Variants in SEPHS1 observed in about 807,000 individuals in gnomAD.
The protein encoded by SEPHS1 is selenophosphate synthetase 1.
Under a neutral mutation model 39.2 loss-of-function variants are expected in SEPHS1, and 7 were observed. The observed-to-expected ratio is 0.18, with a 90% CI of 0.10 to 0.34. SEPHS1 has a LOEUF of 0.34. Ranked by LOEUF, SEPHS1 falls within the 10% of genes least tolerant of loss-of-function variation. SEPHS1 has a pLI of 1.00. For synonymous variants in SEPHS1, 190 were observed against 195.5 expected, an observed-to-expected ratio of 0.97 and a Z score of 0.23; for missense variants, 253 against 514.5, an observed-to-expected ratio of 0.49 and a Z score of 4.92.
chr10:13,324,968 C>T (rs2131692517), intron 7 of SEPHS1, among the ~76,000 whole-genome samples: 1 of 152,282 alleles, frequency 6.6e-6, no homozygotes, highest in Admixed American at 6.5e-5. Context: ...TATCTTCTTT[C>T]ATGGTGTCTG....
intron 7 of SEPHS1, among the ~76,000 whole-genome samples, chr10:13,325,197 T>C (rs976249958): frequency 2.0e-5 from 3 of 152,212 alleles, no homozygotes; most frequent in African/African-American, 7.2e-5. Flanking sequence ...TAATAGATAG[T>C]GCTTTTGGTG....
intron 7 of SEPHS1, among the ~76,000 whole-genome samples, chr10:13,327,639 A>C (rs1288826276): frequency 6.6e-6 from 1 of 152,230 alleles, no homozygotes; most frequent in African/African-American, 2.4e-5. Flanking sequence ...TGTGGTGAAC[A>C]CTTTGGAAGA....
rs1229425025 is a variant in SEPHS1, at chr10:13,345,031, G to A, written c.-78-3C>T. 4 of 1,242,880 alleles carry A rather than the reference G, an allele frequency of 3.2e-6. No individual in the cohort carries two copies. In the East Asian group the frequency reaches 1.1e-4, roughly 34 times the overall value. The allele number at this position is 1,242,880 out of a possible 1,614,324, so 77.0% of individuals were successfully genotyped here. ...GGCTGGGTTCTTTATGGATCCACCT[G>A]GGTGTCACCAAAACACAAAGATGCC... is the stretch of plus-strand genomic sequence containing the variant. On this transcript the variant is annotated splice_polypyrimidine_tract_variant and splice_region_variant and intron_variant, in intron 1 of 8. Transcript: ENST00000327347.
At chr10:13,326,830 G>C (rs1388095292) in intron 7 of SEPHS1, among the ~76,000 whole-genome samples, 2 of 152,058 alleles carry the variant, frequency 1.3e-5, no homozygotes, top group Admixed American at 6.5e-5. Context: ...ACTGTGCCTG[G>C]CTATAACTTT....
rs552633473 is a variant in SEPHS1, at chr10:13,328,230, G to C, written c.751+121C>G. The C allele has an allele frequency of 6.5e-5, 43 of 663,374 alleles. No homozygotes were observed. The Middle Eastern group carries it at 1.3e-3, about 20-fold the overall frequency. The allele number at this position is 663,374 out of a possible 1,614,324, so 41.1% of individuals were successfully genotyped here. A position where few individuals can be genotyped will look rare whatever the true frequency, so the allele number is the denominator to read the frequency against. On this transcript the variant is annotated intron_variant, in intron 7 of 8. Coordinates refer to ENST00000327347, the MANE Select transcript of SEPHS1 (RefSeq NM_012247.5). ...TGCCAACCTGGTACCAGGAGAAGAC[G>C]GTCTGTAGTCACTGGCCAAAAATCT...
intron 2 of SEPHS1, among the ~76,000 whole-genome samples, chr10:13,342,581 A>T (rs1833823539): frequency 1.3e-5 from 2 of 152,196 alleles, no homozygotes; most frequent in African/African-American, 2.4e-5. Flanking sequence ...GTGAGACTTC[A>T]TCTCAACAAC....
At chr10:13,328,136 A>G (rs1285388632) in intron 7 of SEPHS1, among the ~76,000 whole-genome samples, 1 of 152,180 alleles carries the variant, frequency 6.6e-6, no homozygotes, top group East Asian at 1.9e-4. Flanking sequence ...CTGGTATGTC[A>G]GAAGTTAGGA....
At chr10:13,330,940 C>T (rs1833447741) in intron 5 of SEPHS1, among the ~76,000 whole-genome samples, 1 of 151,998 alleles carries the variant, frequency 6.6e-6, no homozygotes, top group African/African-American at 2.4e-5. Flanking sequence ...TACCCATCAA[C>T]CCGTCCTTTA....
At chr10:13,323,382 T>C (rs1833170084) in intron 7 of SEPHS1, among the ~76,000 whole-genome samples, 1 of 151,252 alleles carries the variant, frequency 6.6e-6, no homozygotes, top group South Asian at 2.1e-4. Context: ...TGAGATGGAG[T>C]CTCGCTCTGT....
intron 4 of SEPHS1, among the ~76,000 whole-genome samples, chr10:13,334,378 TA>T (rs1833562849): frequency 6.6e-6 from 1 of 151,872 alleles, no homozygotes; most frequent in Admixed American, 6.6e-5. Flanking sequence ...CCGTCTCTAC[TA>T]AAAATACAAA....
chr10:13,332,054 G>C (rs1033528322), intron 5 of SEPHS1, among the ~76,000 whole-genome samples: 1 of 152,220 alleles, frequency 6.6e-6, no homozygotes. Flanking sequence ...CCAAGAGACC[G>C]GAACTTATGT....
intron 3 of SEPHS1, 57 bp from the exon 4 acceptor site, chr10:13,336,407 C>T: frequency 2.3e-6 from 3 of 1,287,436 alleles, no homozygotes; most frequent in Non-Finnish European, 2.2e-6. Context: ...TCTGCAGAAA[C>T]TGAGTGAGCC....
chr10:13,339,065 T>C, intron 2 of SEPHS1, among the ~76,000 whole-genome samples: 1 of 152,234 alleles, frequency 6.6e-6, no homozygotes, highest in East Asian at 1.9e-4. Context: ...TCCTTAATGA[T>C]GCCTTGAATA....
chr10:13,347,774 G>A (rs950491347), intron 1 of SEPHS1, among the ~76,000 whole-genome samples: 3 of 120,482 alleles, frequency 2.5e-5, no homozygotes, highest in East Asian at 6.3e-4. Context: ...TCCTTCCCCG[G>A]CCCCGCGCGG....
At chr10:13,343,648 C>T (rs1053785662) in intron 2 of SEPHS1, among the ~76,000 whole-genome samples, 1 of 145,792 alleles carries the variant, frequency 6.9e-6, no homozygotes, top group African/African-American at 2.6e-5. Flanking sequence ...ACTCCCATCT[C>T]TACTAAAAAT....
intron 5 of SEPHS1, among the ~76,000 whole-genome samples, chr10:13,330,301 T>C (rs1216044112): frequency 1.3e-5 from 2 of 152,088 alleles, no homozygotes; most frequent in Non-Finnish European, 2.9e-5. Context: ...GACGGATTTT[T>C]CGGCCCAGGG....
At chr10:13,347,087 C>T (rs1218782735) in intron 1 of SEPHS1, among the ~76,000 whole-genome samples, 1 of 152,078 alleles carries the variant, frequency 6.6e-6, no homozygotes, top group South Asian at 2.1e-4. Flanking sequence ...GGACGGTGCC[C>T]GGCGACCCCG....
chr10:13,340,943 C>T (rs1365726494), intron 2 of SEPHS1, among the ~76,000 whole-genome samples: 1 of 152,142 alleles, frequency 6.6e-6, no homozygotes, highest in Non-Finnish European at 1.5e-5. Context: ...ATTTTAAACA[C>T]CTAGTACCAA....
rs1031505963 is a variant in SEPHS1 at position 13,318,251 on chromosome 10, G to C, written c.*891C>G. On this transcript the variant is annotated 3_prime_UTR_variant, in exon 9 of 9. Coordinates refer to ENST00000327347, the MANE Select transcript of SEPHS1 (RefSeq NM_012247.5). ...AGCTGCTGATTTTAAGAAAACAAAAGGCCTGAAATCACTGTACAAAATAGA... is the reference window on the plus strand; with the variant it reads ...AGCTGCTGATTTTAAGAAAACAAAACGCCTGAAATCACTGTACAAAATAGA... The C allele has an allele frequency of 1.3e-5, 2 of 152,448 alleles. No individual in the cohort carries two copies. Among genetic ancestry groups the C allele is most frequent in the Non-Finnish European group, 2.9e-5 (2 of 68,010 alleles). 9.4% of individuals were successfully genotyped at this position (152,448 alleles called of 1,614,324 possible). A position where few individuals can be genotyped will look rare whatever the true frequency, so the allele number is the denominator to read the frequency against.
Sources: gnomAD v4.1 joint callset for allele counts (sites outside exome capture counted in the v4.1 genomes callset) on GRCh38, gnomAD v4.1.1 for gene constraint, MANE v1.5 for transcripts, NCBI Gene and HGNC (gene_info 2026-07-23, HGNC 2026-07-21) for gene names.